The following PLCZ1 variants were observed in gnomAD, a reference collection of about 807,000 sequenced individuals.
PLCZ1 encodes the protein phospholipase C zeta 1, also known as 1-phosphatidylinositol 4,5-bisphosphate phosphodiesterase zeta-1.
In PLCZ1, 64 loss-of-function variants were observed where a neutral mutation model predicts 76.8. That is an observed-to-expected ratio of 0.83 (90% CI 0.68 to 1.03). PLCZ1 has a LOEUF of 1.03. Among genes scored for constraint, PLCZ1 ranks in the 50% least tolerant of loss-of-function variants. The pLI, the probability that PLCZ1 is intolerant of heterozygous loss-of-function variation, is 0.00. For synonymous variants in PLCZ1, 248 were observed against 230.8 expected (o/e 1.07, Z -0.68); for missense variants, 751 against 713.7 (o/e 1.05, Z -0.60).
chr12:18,720,074 T>C (rs941584572), intron 4 of PLCZ1, among the ~76,000 whole-genome samples: 26 of 152,234 alleles, frequency 1.7e-4, no homozygotes, highest in Non-Finnish European at 2.6e-4. Flanking sequence ...TAGTTTTCTT[T>C]GGTTGTTGCA....
intron 10 of PLCZ1, among the ~76,000 whole-genome samples, chr12:18,699,208 G>A (rs1344153288): frequency 2.6e-5 from 4 of 152,072 alleles, no homozygotes; most frequent in Admixed American, 1.3e-4. Context: ...CAGCCTGGGC[G>A]CCATTTCTTC....
intron 6 of PLCZ1, among the ~76,000 whole-genome samples, chr12:18,710,890 G>T (rs1957223106): frequency 6.6e-6 from 1 of 152,128 alleles, no homozygotes; most frequent in African/African-American, 2.4e-5. Flanking sequence ...AACAACAGGT[G>T]CTGGAGAGGA....
chr12:18,698,606 T>C (rs1955452571), intron 10 of PLCZ1, among the ~76,000 whole-genome samples: 1 of 152,174 alleles, frequency 6.6e-6, no homozygotes, highest in South Asian at 2.1e-4. Context: ...TTCTGTGGTA[T>C]TTCTACACAA....
At chr12:18,691,443 A>G (rs546031374) in intron 12 of PLCZ1, among the ~76,000 whole-genome samples, 10 of 152,300 alleles carry the variant, frequency 6.6e-5, no homozygotes, top group African/African-American at 2.2e-4. Flanking sequence ...ATGAATGTTT[A>G]TGTAACAGAA....
At chr12:18,664,916 C>A in the PLCZ1 span, among the ~76,000 whole-genome samples, 36 of 146,346 alleles carry the variant, frequency 2.5e-4, no homozygotes, top group Non-Finnish European at 4.0e-4. Context: ...GACAAAAAAC[C>A]AAATACTGCA....
At chr12:18,702,388 C>T (rs1956062323) in intron 7 of PLCZ1, among the ~76,000 whole-genome samples, 1 of 152,130 alleles carries the variant, frequency 6.6e-6, no homozygotes, top group African/African-American at 2.4e-5. Flanking sequence ...TGGTTCCATT[C>T]TTTCACTTGG....
At chr12:18,723,798 C>G (rs1958591241) in intron 3 of PLCZ1, among the ~76,000 whole-genome samples, 1 of 152,038 alleles carries the variant, frequency 6.6e-6, no homozygotes, top group African/African-American at 2.4e-5. Context: ...TCCAGGTTGT[C>G]TTTCAATTTC....
At position 18,687,549 on chromosome 12, in the gene PLCZ1, T is replaced by C. The variant is rs1329295877; in HGVS notation, c.1591+540A>G. On this transcript the variant is annotated intron_variant, in intron 13 of 14. Coordinates refer to ENST00000266505, the MANE Select transcript of PLCZ1 (RefSeq NM_033123.4). ...AAGATGTCATAGCATGCCAGAATGA[T>C]GAAAATCTTACCAAAGTTATTTCCC... 2.6e-5 allele frequency among the ~76,000 whole-genome samples: 4 copies of C among 152,266 alleles called. 1 individual carries two copies. The highest frequency in any genetic ancestry group is 4.1e-4 in the South Asian group (2 of 4,824).
Position 18,701,731 on chromosome 12 carries a change from A to T in PLCZ1, c.910T>A (p.Leu304Ile). 1 of 1,612,102 alleles carries T rather than the reference A, an allele frequency of 6.2e-7. No homozygotes were observed. The highest frequency in any genetic ancestry group is 8.5e-7 in the Non-Finnish European group (1 of 1,179,448). The change falls in exon 8 of 15, where the codon TTA becomes ATA. Residue 304 changes from leucine to isoleucine, a missense_variant. Coordinates refer to ENST00000266505, the MANE Select transcript of PLCZ1 (RefSeq NM_033123.4). ...CCTTTTCTTTCATGGGTTTCCTTTA[A>T]GGTTCCTATTTTCTTATTTTTAACT... ...ILVKNKKIGT[L>I]KETHERKGSD...
intron 7 of PLCZ1, among the ~76,000 whole-genome samples, chr12:18,704,044 A>C (rs996305975): frequency 6.6e-6 from 1 of 152,222 alleles, no homozygotes; most frequent in Non-Finnish European, 1.5e-5. Context: ...CCAGCAAAGG[A>C]AACTAAGCAG....
At chr12:18,650,400 CAT>C in the PLCZ1 span, among the ~76,000 whole-genome samples, 1 of 124,450 alleles carries the variant, frequency 8.0e-6, no homozygotes, top group Non-Finnish European at 1.6e-5. Context: ...TATACACACA[CAT>C]TTTTTTTTTA....
chr12:18,710,269 T>C (rs919503644), intron 6 of PLCZ1, among the ~76,000 whole-genome samples: 1 of 151,076 alleles, frequency 6.6e-6, no homozygotes, highest in South Asian at 2.1e-4. Context: ...CTATTTTTTT[T>C]AATTCATTTT....
rs549319030 is a variant in PLCZ1 at position 18,694,108 on chromosome 12, G to A, written c.1461+802C>T. On this transcript the variant is annotated intron_variant, in intron 12 of 14. Coordinates refer to ENST00000266505, the MANE Select transcript of PLCZ1 (RefSeq NM_033123.4). Reference sequence around the variant, plus strand: ...AGGGGCTGTATCTCTAGTGAACTACGGCTGCCATCAGGAAAATGGTTGGGT... The same window carrying A: ...AGGGGCTGTATCTCTAGTGAACTACAGCTGCCATCAGGAAAATGGTTGGGT... 13 of 1,008,998 alleles carry A rather than the reference G, an allele frequency of 1.3e-5. No homozygotes were observed. The African/African-American group carries it at 1.5e-4, about 11-fold the overall frequency. The allele number at this position is 1,008,998 out of a possible 1,614,324, so 62.5% of individuals were successfully genotyped here.
chr12:18,709,563 G>A (rs1005969391), intron 6 of PLCZ1, among the ~76,000 whole-genome samples: 19 of 151,684 alleles, frequency 1.3e-4, no homozygotes, highest in Non-Finnish European at 2.6e-4. Context: ...AATGCCATTG[G>A]AATTTTGATA....
At chr12:18,650,329 CTCTATA>C in the PLCZ1 span, among the ~76,000 whole-genome samples, 2 of 82,442 alleles carry the variant, frequency 2.4e-5, no homozygotes, top group Non-Finnish European at 4.7e-5. Flanking sequence ...CTCTCTCTCT[CTCTATA>C]TATATATATA....
intron 6 of PLCZ1, among the ~76,000 whole-genome samples, chr12:18,705,899 C>A (rs919618723): frequency 1.4e-4 from 21 of 150,566 alleles, no homozygotes; most frequent in African/African-American, 4.6e-4. Flanking sequence ...ATAAATTATA[C>A]CATATCCATA....
At chr12:18,668,440 C>T in the PLCZ1 span, among the ~76,000 whole-genome samples, 12 of 152,276 alleles carry the variant, frequency 7.9e-5, no homozygotes, top group African/African-American at 2.9e-4. Context: ...TGGAACCCAA[C>T]CTACACACAT....
chr12:18,698,826 T>C (rs1388268879), intron 10 of PLCZ1, among the ~76,000 whole-genome samples: 5 of 152,206 alleles, frequency 3.3e-5, no homozygotes, highest in African/African-American at 9.6e-5. Context: ...CAATAAACTA[T>C]TGTTGACTGT....
chr12:18,725,135 A>G (rs1163729151), intron 3 of PLCZ1, among the ~76,000 whole-genome samples: 2 of 152,190 alleles, frequency 1.3e-5, no homozygotes, highest in African/African-American at 4.8e-5. Flanking sequence ...CAAATTACAG[A>G]AAAATGAAAA....
Sources: gnomAD v4.1 joint callset for allele counts (sites outside exome capture counted in the v4.1 genomes callset) on GRCh38, gnomAD v4.1.1 for gene constraint, MANE v1.5 for transcripts, NCBI Gene and HGNC (gene_info 2026-07-23, HGNC 2026-07-21) for gene names.